DISC1: variants seen among roughly 807,000 people sequenced by gnomAD.
DISC1 encodes DISC1 scaffold protein.
DISC1 carries 57 observed loss-of-function variants against 84.5 expected under a neutral mutation model. The observed-to-expected ratio is 0.67, with a 90% CI of 0.55 to 0.84. DISC1 has a LOEUF of 0.84. DISC1 is among the 40% of genes least tolerant of loss of function. The pLI is 0.00. For missense variants in DISC1, 1,000 were observed against 1,057.8 expected, an observed-to-expected ratio of 0.95 and a Z score of 0.76; for synonymous variants, 411 against 415.2, an observed-to-expected ratio of 0.99 and a Z score of 0.12.
intron 3 of DISC1, among the ~76,000 whole-genome samples, chr1:231,733,091 G>A (rs1361414429): frequency 4.1e-4 from 2 of 4,890 alleles, no homozygotes; most frequent in East Asian, 5.6e-3. Flanking sequence ...TAGAAGCAGT[G>A]GGTAGAGTTG....
chr1:231,648,378 T>A (rs899384343), intron 1 of DISC1, among the ~76,000 whole-genome samples: 2 of 152,248 alleles, frequency 1.3e-5, no homozygotes, highest in Non-Finnish European at 2.9e-5. Flanking sequence ...TTGCATATGT[T>A]GAACCAGCCT....
chr1:232,026,690 T>G (rs1669492599), intron 12 of DISC1, 138 bp downstream of exon 12: 1 of 653,678 alleles, frequency 1.5e-6, no homozygotes, highest in East Asian at 2.8e-5. Context: ...ACCTCAGATC[T>G]CTGAGATTAT....
intron 1 of DISC1, among the ~76,000 whole-genome samples, chr1:231,664,770 C>G (rs945091920): frequency 2.0e-5 from 3 of 151,942 alleles, no homozygotes; most frequent in African/African-American, 7.2e-5. Flanking sequence ...ACAGTTGACC[C>G]TCGAACGACA....
At chr1:231,678,977 C>T (rs551446469) in intron 1 of DISC1, among the ~76,000 whole-genome samples, 4 of 152,262 alleles carry the variant, frequency 2.6e-5, no homozygotes, top group East Asian at 1.9e-4. Context: ...CGCCCGGCCA[C>T]GTTGCTCTGT....
At position 231,855,376 on chromosome 1, in the gene DISC1, A is replaced by G; in HGVS notation, c.1981+36859A>G. 9.1e-6 allele frequency: 9 copies of G among 984,828 alleles called. No individual in the cohort carries two copies. The South Asian group carries it at 4.2e-4, about 46-fold the overall frequency. 61.0% of individuals were successfully genotyped at this position (984,828 alleles called of 1,614,324 possible). On this transcript the variant is annotated intron_variant, in intron 9 of 12. Transcript: ENST00000439617. ...ATTAAAAAGACAAAAATAACTTTCC[A>G]TAAATGAGCTCAAGTTATTTCATCC... is the stretch of plus-strand genomic sequence containing the variant.
intron 1 of DISC1, among the ~76,000 whole-genome samples, chr1:231,682,914 A>T (rs2063829938): frequency 6.6e-6 from 1 of 152,226 alleles, no homozygotes; most frequent in Admixed American, 6.5e-5. Flanking sequence ...TGACCCTTAA[A>T]CACGAAGTGG....
chr1:231,717,278 A>G (rs763238607), intron 3 of DISC1, among the ~76,000 whole-genome samples: 1 of 152,240 alleles, frequency 6.6e-6, no homozygotes, highest in East Asian at 1.9e-4. Context: ...GAAGGTTAAC[A>G]AGGTCTTCAG....
intron 10 of DISC1, among the ~76,000 whole-genome samples, chr1:232,006,291 G>T (rs1039559550): frequency 6.6e-6 from 1 of 152,238 alleles, no homozygotes; most frequent in Non-Finnish European, 1.5e-5. Flanking sequence ...AAGACAGGAA[G>T]ATGTGGGAAA....
rs2058283120 is a variant in DISC1 at position 231,626,814 on chromosome 1, G to T, written c.-54G>T. ...TCCCTTCCCCCCGCCTCTGGCCTCG[G>T]GGAAGGAGCAGGAGGCAGCCCAGGC... On this transcript the variant is annotated 5_prime_UTR_variant, in exon 1 of 13. Coordinates refer to ENST00000439617, the MANE Select transcript of DISC1 (RefSeq NM_018662.3). The T allele has an allele frequency of 3.0e-6, 4 of 1,334,094 alleles. No individual in the cohort carries two copies. The highest frequency in any genetic ancestry group is 6.9e-5 in the Admixed American group (2 of 28,844). 82.6% of individuals were successfully genotyped at this position (1,334,094 alleles called of 1,614,324 possible).
Position 232,009,038 on chromosome 1 carries a change from G to A in DISC1, c.2296G>A (p.Glu766Lys). 6.2e-7 allele frequency: 1 copy of A among 1,613,830 alleles called. No homozygotes were observed. The highest frequency in any genetic ancestry group is 8.5e-7 in the Non-Finnish European group (1 of 1,179,800). The change falls in exon 11 of 13, where the codon GAA (glutamate) becomes AAA (lysine). Residue 766 changes from glutamate to lysine, a missense_variant. Glu to Lys is a moderately conservative substitution (Grantham distance 56). Around this residue, in one of 3 missense-constraint regions of DISC1, gnomAD observed 397 missense variants for 377.5 expected, o/e 1.05. Transcript: ENST00000439617. This position sits in a 1 kb window ranked among gnomAD's most constrained non-coding sequence, Gnocchi z 4.6. ...LIPSLHCAGG[E>K]QKEESYILSA... Reference sequence around the variant, plus strand: ...CCCCTCTCTGCACTGTGCTGGAGGTGAACAGAAAGAGGTCTGTCCTTTTCA... The same window carrying A: ...CCCCTCTCTGCACTGTGCTGGAGGTAAACAGAAAGAGGTCTGTCCTTTTCA...
At chr1:231,823,844 C>A (rs2125787160) in intron 9 of DISC1, among the ~76,000 whole-genome samples, 1 of 152,116 alleles carries the variant, frequency 6.6e-6, no homozygotes, top group East Asian at 1.9e-4. Context: ...ACAGGAGAGA[C>A]TGAAACCACA....
chr1:231,728,390 A>G (rs1450478272), intron 3 of DISC1, among the ~76,000 whole-genome samples: 1 of 152,188 alleles, frequency 6.6e-6, no homozygotes, highest in East Asian at 1.9e-4. Context: ...ACAAGGCACA[A>G]TCGCCCACTG....
chr1:231,635,217 G>A (rs202171370), intron 1 of DISC1, among the ~76,000 whole-genome samples: 20 of 151,658 alleles, frequency 1.3e-4, no homozygotes, highest in Non-Finnish European at 2.4e-4. Flanking sequence ...CTGTGGAAGG[G>A]GCTTTCAGAG....
At chr1:231,883,007 C>T (rs1219082505) in intron 9 of DISC1, among the ~76,000 whole-genome samples, 1 of 151,754 alleles carries the variant, frequency 6.6e-6, no homozygotes, top group Non-Finnish European at 1.5e-5. Context: ...TCCCAAGAGG[C>T]TCATTCGTCA....
chr1:232,014,321 C>G (rs184419602), intron 11 of DISC1, among the ~76,000 whole-genome samples: 1 of 152,314 alleles, frequency 6.6e-6, no homozygotes, highest in East Asian at 1.9e-4. Context: ...CTCTTGATAT[C>G]TCTCCCACTT....
intron 9 of DISC1, among the ~76,000 whole-genome samples, chr1:231,911,144 G>T (rs1363612841): frequency 6.6e-6 from 1 of 152,138 alleles, no homozygotes; most frequent in Admixed American, 6.5e-5. Context: ...GCCAGTCTGT[G>T]TCTTTTAATT....
chr1:231,949,255 C>T (rs1424484554), intron 9 of DISC1, among the ~76,000 whole-genome samples: 1 of 152,168 alleles, frequency 6.6e-6, no homozygotes, highest in Non-Finnish European at 1.5e-5. Context: ...CTGTGTGTGT[C>T]TTACTAGCCG....
chr1:231,991,056 TCTC>T (rs1344852219), intron 10 of DISC1, among the ~76,000 whole-genome samples: 1 of 152,218 alleles, frequency 6.6e-6, no homozygotes, highest in Admixed American at 6.5e-5. Flanking sequence ...TTCATTGTCT[TCTC>T]TAGAACACAG....
intron 9 of DISC1, among the ~76,000 whole-genome samples, chr1:231,934,441 C>T (rs1020459954): frequency 1.3e-5 from 2 of 152,218 alleles, no homozygotes; most frequent in Non-Finnish European, 2.9e-5. Flanking sequence ...TCAAGAACAG[C>T]TGCTCTTAAA....
Sources: gnomAD v4.1 joint callset for allele counts (sites outside exome capture counted in the v4.1 genomes callset) on GRCh38, gnomAD v4.1.1 for gene constraint, gnomAD v4.1.1 regional missense constraint, Gnocchi (gnomAD v3.1) non-coding constraint, MANE v1.5 for transcripts, NCBI Gene and HGNC (gene_info 2026-07-23, HGNC 2026-07-21) for gene names.